The following ZNRF2 variants were observed in gnomAD, a reference collection of about 807,000 sequenced individuals.
ZNRF2 encodes the protein zinc and ring finger 2, also known as E3 ubiquitin-protein ligase ZNRF2.
In ZNRF2, 16 loss-of-function variants were observed where a neutral mutation model predicts 20.4. The ratio of observed to expected loss-of-function variants is 0.79; its 90% confidence interval spans 0.53 to 1.19. ZNRF2 has a LOEUF of 1.19. Among genes scored for constraint, ZNRF2 ranks in the 50% most tolerant of loss-of-function variants. The probability of loss-of-function intolerance (pLI) is 0.00; values close to 1 mark genes in which losing one functional copy is unlikely to be tolerated. For synonymous variants in ZNRF2, 178 were observed against 144.9 expected (o/e 1.23, Z -1.64); for missense variants, 363 against 332.4 (o/e 1.09, Z -0.72).
chr7:30,319,838 T>C (rs1339144203), intron 1 of ZNRF2, among the ~76,000 whole-genome samples: 1 of 152,242 alleles, frequency 6.6e-6, no homozygotes, highest in Non-Finnish European at 1.5e-5. Flanking sequence ...CTGTTGACTC[T>C]CTTCATCACA....
chr7:30,354,589 G>C (rs1368208895), intron 2 of ZNRF2, among the ~76,000 whole-genome samples: 1 of 152,130 alleles, frequency 6.6e-6, no homozygotes, highest in Non-Finnish European at 1.5e-5. Context: ...TTTTATAGGA[G>C]GAATGGGCAT....
chr7:30,311,797 TC>T (rs1799296236), intron 1 of ZNRF2, among the ~76,000 whole-genome samples: 1 of 152,174 alleles, frequency 6.6e-6, no homozygotes, highest in Non-Finnish European at 1.5e-5. Context: ...CAAACAGTAG[TC>T]GGCAAAATTT....
At chr7:30,305,105 A>T (rs984307399) in intron 1 of ZNRF2, among the ~76,000 whole-genome samples, 3 of 152,216 alleles carry the variant, frequency 2.0e-5, no homozygotes, top group Non-Finnish European at 4.4e-5. Flanking sequence ...GCAGTTGCAC[A>T]TCTCTTTCCT....
intron 1 of ZNRF2, among the ~76,000 whole-genome samples, chr7:30,322,501 G>T (rs1275880652): frequency 6.6e-6 from 1 of 152,104 alleles, no homozygotes; most frequent in East Asian, 1.9e-4. Flanking sequence ...GCTTCATGTG[G>T]CCTTCTTTCT....
intron 2 of ZNRF2, among the ~76,000 whole-genome samples, chr7:30,344,087 A>AGCT (rs948552212): frequency 6.6e-6 from 1 of 151,500 alleles, no homozygotes; most frequent in African/African-American, 2.4e-5. Flanking sequence ...ACACCCAGCT[A>AGCT]ATTTTTGTAT....
intron 2 of ZNRF2, among the ~76,000 whole-genome samples, chr7:30,329,684 G>A (rs976260707): frequency 6.6e-6 from 1 of 152,034 alleles, no homozygotes; most frequent in Admixed American, 6.6e-5. Flanking sequence ...TAGATACCAC[G>A]TTTTCTGTAT....
At position 30,285,522 on chromosome 7, in the gene ZNRF2, C is replaced by T. The variant is rs1333493051; in HGVS notation, c.165C>T (p.Ser55=). 8.9e-6 allele frequency: 9 copies of T among 1,015,494 alleles called. No individual in the cohort carries two copies. The highest frequency in any genetic ancestry group is 7.0e-6 in the Non-Finnish European group (6 of 852,636). The allele number at this position is 1,015,494 out of a possible 1,614,324, so 62.9% of individuals were successfully genotyped here. ...AAGRFPAQVP[S]AHQPSASGGA... Reference sequence around the variant, plus strand: ...GGAGGTTCCCGGCTCAGGTGCCCAGCGCGCACCAGCCCAGCGCCTCCGGCG... The same window carrying T: ...GGAGGTTCCCGGCTCAGGTGCCCAGTGCGCACCAGCCCAGCGCCTCCGGCG... Residue 55 remains serine, a synonymous_variant, in exon 1 of 5, where the codon AGC becomes AGT. Coordinates refer to ENST00000323037, the MANE Select transcript of ZNRF2 (RefSeq NM_147128.4).
intron 2 of ZNRF2, among the ~76,000 whole-genome samples, chr7:30,330,476 C>A (rs1480267935): frequency 6.6e-6 from 1 of 152,156 alleles, no homozygotes; most frequent in East Asian, 1.9e-4. Context: ...CAGGCTCACA[C>A]AAATATTGCA....
At chr7:30,316,844 A>T (rs1799383705) in intron 1 of ZNRF2, among the ~76,000 whole-genome samples, 1 of 152,208 alleles carries the variant, frequency 6.6e-6, no homozygotes, top group African/African-American at 2.4e-5. Context: ...GAAATTTTTC[A>T]TAACAGATAA....
At chr7:30,287,356 C>T (rs531590334) in intron 1 of ZNRF2, among the ~76,000 whole-genome samples, 20 of 152,128 alleles carry the variant, frequency 1.3e-4, no homozygotes, top group African/African-American at 4.6e-4. Flanking sequence ...TTGCATTTAG[C>T]AATTATTAGA....
chr7:30,360,438 A>G (rs1800108086), intron 3 of ZNRF2, among the ~76,000 whole-genome samples: 4 of 152,154 alleles, frequency 2.6e-5, no homozygotes, highest in African/African-American at 9.7e-5. Context: ...GCTGACACCT[A>G]TAATCCCAAC....
chr7:30,302,151 A>C (rs1161985076), intron 1 of ZNRF2, among the ~76,000 whole-genome samples: 1 of 152,292 alleles, frequency 6.6e-6, no homozygotes, highest in East Asian at 1.9e-4. Context: ...AAGAGCTCTT[A>C]CTTTTTAAAA....
chr7:30,289,364 C>T (rs1798853877), intron 1 of ZNRF2, among the ~76,000 whole-genome samples: 2 of 152,186 alleles, frequency 1.3e-5, no homozygotes, highest in African/African-American at 4.8e-5. Flanking sequence ...GTTAGGTTAT[C>T]TTCATCAATT....
chr7:30,285,007 G>A lies in ZNRF2; in HGVS notation c.-351G>A, dbSNP rs1798745808. The A allele has an allele frequency of 7.7e-6, 3 of 391,742 alleles. No individual in the cohort carries two copies. The highest frequency in any genetic ancestry group is 1.0e-5 in the Non-Finnish European group (2 of 198,412). The allele number at this position is 391,742 out of a possible 1,614,324, so 24.3% of individuals were successfully genotyped here. A position where few individuals can be genotyped will look rare whatever the true frequency, so the allele number is the denominator to read the frequency against. On this transcript the variant is annotated 5_prime_UTR_variant, in exon 1 of 5. Transcript: ENST00000323037. Reference sequence around the variant, plus strand: ...GGCGCCGAGCGCGGCAGCAGAGAGCGGTAGCGGCCCGTCGTGGCGCACCAG... The same window carrying A: ...GGCGCCGAGCGCGGCAGCAGAGAGCAGTAGCGGCCCGTCGTGGCGCACCAG...
At chr7:30,299,814 C>G (rs1217694216) in intron 1 of ZNRF2, among the ~76,000 whole-genome samples, 4 of 149,156 alleles carry the variant, frequency 2.7e-5, no homozygotes, top group Admixed American at 6.6e-5. Context: ...GAGTCTCGCC[C>G]TGTTGCCCAG....
rs771684266 is a variant in ZNRF2 at position 30,355,828 on chromosome 7, T to C, written c.666T>C (p.His222=). Residue 222 remains histidine (H), a synonymous_variant, in exon 3 of 5, where the codon CAT becomes CAC. Coordinates refer to ENST00000323037, the MANE Select transcript of ZNRF2 (RefSeq NM_147128.4). ...GACTGCCTTGTCTATGCATATATCATAAAGGGTAAGTTCACCAAGTTGGTA... is the reference window on the plus strand; with the variant it reads ...GACTGCCTTGTCTATGCATATATCACAAAGGGTAAGTTCACCAAGTTGGTA... The part of the protein sequence containing the change: ...IARLPCLCIY[H]KGCIDEWFEV... 6.2e-7 allele frequency: 1 copy of C among 1,611,006 alleles called. No homozygotes were observed. The highest frequency in any genetic ancestry group is 2.2e-5 in the East Asian group (1 of 44,794).
At chr7:30,318,135 T>G (rs1799406503) in intron 1 of ZNRF2, among the ~76,000 whole-genome samples, 1 of 152,278 alleles carries the variant, frequency 6.6e-6, no homozygotes, top group African/African-American at 2.4e-5. Flanking sequence ...GTGCCGGCTT[T>G]GGATAGAGAA....
intron 1 of ZNRF2, among the ~76,000 whole-genome samples, chr7:30,313,083 C>T (rs556193506): frequency 6.6e-6 from 1 of 152,242 alleles, no homozygotes; most frequent in South Asian, 2.1e-4. Flanking sequence ...TACTTTGGTT[C>T]TGGAGCTTAC....
At chr7:30,289,574 A>G (rs1250772610) in intron 1 of ZNRF2, among the ~76,000 whole-genome samples, 1 of 151,994 alleles carries the variant, frequency 6.6e-6, no homozygotes, top group Non-Finnish European at 1.5e-5. Flanking sequence ...AACCCCTGCC[A>G]CTCCTGAAGT....
Sources: gnomAD v4.1 joint callset for allele counts (sites outside exome capture counted in the v4.1 genomes callset) on GRCh38, gnomAD v4.1.1 for gene constraint, MANE v1.5 for transcripts, NCBI Gene and HGNC (gene_info 2026-07-23, HGNC 2026-07-21) for gene names.